The following MAST2 variants were observed in gnomAD, a reference collection of about 807,000 sequenced individuals.
MAST2 encodes microtubule-associated serine/threonine-protein kinase 2.
MAST2 carries 70 observed loss-of-function variants against 147.4 expected under a neutral mutation model. The observed-to-expected ratio is 0.47, with a 90% CI of 0.39 to 0.58. The LOEUF is 0.58. MAST2 is among the 20% of genes least tolerant of loss of function. The pLI is 0.00. For synonymous variants in MAST2, 869 were observed against 896.8 expected (o/e 0.97, Z 0.55); for missense variants, 2,080 against 2,302.3 (o/e 0.90, Z 1.98).
In MAST2 at chr1:46,034,224, C is replaced by T. The variant is rs768823573; in HGVS notation, c.3826C>T (p.Pro1276Ser). 6.2e-7 allele frequency: 1 copy of T among 1,614,034 alleles called. No individual in the cohort carries two copies. The highest frequency in any genetic ancestry group is 1.1e-5 in the South Asian group (1 of 91,074). Reference sequence around the variant, plus strand: ...CAGCCACAGCCTTTCCCCCCGATCTCCCACTCAAGGCTACCGGGTGACCCC... The same window carrying T: ...CAGCCACAGCCTTTCCCCCCGATCTTCCACTCAAGGCTACCGGGTGACCCC... ...THSHSLSPRS[P>S]TQGYRVTPDA... Residue 1276 changes from proline to serine, a missense_variant, in exon 28 of 29, where the codon CCC becomes TCC. Pro to Ser is a moderately conservative substitution (Grantham distance 74). This residue lies in a region of MAST2 where 1,278 missense variants were observed against 1,304.2 expected (regional missense o/e 0.98). Coordinates refer to ENST00000361297, the MANE Select transcript of MAST2 (RefSeq NM_015112.3).
intron 3 of MAST2, among the ~76,000 whole-genome samples, chr1:45,840,839 CATCAGGCT>C (rs1212256139): frequency 9.9e-5 from 15 of 152,216 alleles, no homozygotes; most frequent in Non-Finnish European, 2.2e-4. Context: ...AACTGCAGCC[CATCAGGCT>C]ACTTCTGTAT....
At chr1:45,970,576 G>A (rs1643874931) in intron 5 of MAST2, among the ~76,000 whole-genome samples, 1 of 150,936 alleles carries the variant, frequency 6.6e-6, no homozygotes, top group Non-Finnish European at 1.5e-5. Flanking sequence ...GCTGAGGCGG[G>A]AGAACGGCTT....
At chr1:45,928,529 C>T (rs1365698664) in intron 4 of MAST2, among the ~76,000 whole-genome samples, 1 of 151,040 alleles carries the variant, frequency 6.6e-6, no homozygotes, top group Non-Finnish European at 1.5e-5. Flanking sequence ...AGACATAAAC[C>T]TGTTAAATAA....
At chr1:45,925,051 C>T (rs1211984259) in intron 4 of MAST2, among the ~76,000 whole-genome samples, 2 of 152,208 alleles carry the variant, frequency 1.3e-5, no homozygotes, top group Non-Finnish European at 2.9e-5. Flanking sequence ...GCTATTGAGG[C>T]ATTTGGCTGC....
chr1:46,031,477 CGCCA>C lies in MAST2; in HGVS notation c.3080_3083del (p.Arg1027ProfsTer20). On this transcript the variant is annotated frameshift_variant, in exon 24 of 29. Transcript: ENST00000361297. LOFTEE classifies it high-confidence loss of function. This position sits in a 1 kb window ranked among gnomAD's most constrained non-coding sequence, Gnocchi z 4.1. ...CAGTGACCTGGCTGTGCGTAGGGCC[CGCCA>C]CCGGCTGCTCTCTGGGGACTCAACA... is the stretch of plus-strand genomic sequence containing the variant. 1.9e-6 allele frequency: 3 copies of C among 1,614,002 alleles called. 1 individual carries two copies. The South Asian group carries it at 3.3e-5, about 18-fold the overall frequency.
intron 3 of MAST2, among the ~76,000 whole-genome samples, chr1:45,881,959 G>C (rs1646863981): frequency 6.9e-6 from 1 of 144,136 alleles, no homozygotes; most frequent in African/African-American, 2.5e-5. Context: ...GGCGGATCAC[G>C]AGGTCAGGAG....
At chr1:45,875,522 A>G (rs1646568067) in intron 3 of MAST2, among the ~76,000 whole-genome samples, 1 of 152,206 alleles carries the variant, frequency 6.6e-6, no homozygotes, top group East Asian at 1.9e-4. Flanking sequence ...AACAGGTACT[A>G]TATATGATAT....
chr1:45,950,918 C>CA (rs913677134), intron 4 of MAST2, among the ~76,000 whole-genome samples: 7 of 151,968 alleles, frequency 4.6e-5, no homozygotes, highest in Admixed American at 3.3e-4. Context: ...CCTGTCTCTA[C>CA]AAAAAAATAC....
At chr1:45,990,220 A>G (rs1644805722) in intron 5 of MAST2, among the ~76,000 whole-genome samples, 2 of 152,170 alleles carry the variant, frequency 1.3e-5, no homozygotes, top group Non-Finnish European at 2.9e-5. Flanking sequence ...GTTGTTCCCC[A>G]TCCTTTTTAG....
At chr1:45,895,736 C>T (rs138442721) in intron 4 of MAST2, among the ~76,000 whole-genome samples, 7 of 152,226 alleles carry the variant, frequency 4.6e-5, no homozygotes, top group Admixed American at 3.3e-4. Flanking sequence ...GAAAGAAAAA[C>T]AGCATATCAT....
chr1:46,017,698 GA>G (rs1224904428), intron 10 of MAST2, among the ~76,000 whole-genome samples: 8 of 152,018 alleles, frequency 5.3e-5, no homozygotes, highest in African/African-American at 1.9e-4. Context: ...GGAGAAATAG[GA>G]ACACTTTTAT....
At chr1:45,890,099 A>G (rs946929580) in intron 4 of MAST2, among the ~76,000 whole-genome samples, 1 of 152,128 alleles carries the variant, frequency 6.6e-6, no homozygotes, top group African/African-American at 2.4e-5. Flanking sequence ...TTCAAGTCCC[A>G]GCTTACACCT....
At position 45,948,102 on chromosome 1, in the gene MAST2, C is replaced by T. The variant is rs543152881; in HGVS notation, c.501-11284C>T. ...TAGCAGAAAGCACTAGCATTCCTAT[C>T]CGCCAACAGCAGCCAGGGAGAGAGC... On this transcript the variant is annotated intron_variant, in intron 4 of 28. Transcript: ENST00000361297. 7.2e-5 allele frequency among the ~76,000 whole-genome samples: 11 copies of T among 152,334 alleles called. No homozygotes were observed. The East Asian group carries it at 1.7e-3, about 24-fold the overall frequency.
intron 1 of MAST2, among the ~76,000 whole-genome samples, chr1:45,815,866 C>T (rs1470137470): frequency 6.6e-6 from 1 of 152,158 alleles, no homozygotes; most frequent in African/African-American, 2.4e-5. Flanking sequence ...TGCCTAACTA[C>T]TGGAGGGCTG....
intron 6 of MAST2, 53 bp downstream of exon 6, chr1:45,997,852 G>C (rs1433036697): frequency 1.1e-5 from 15 of 1,423,792 alleles, no homozygotes; most frequent in Non-Finnish European, 1.4e-5. Flanking sequence ...ACTTGCATGA[G>C]GGTTAATTGA....
chr1:45,820,466 C>T (rs1644587555), intron 1 of MAST2, among the ~76,000 whole-genome samples: 1 of 152,078 alleles, frequency 6.6e-6, no homozygotes, highest in Non-Finnish European at 1.5e-5. Context: ...GAAATGGTAC[C>T]AGTTTAACTT....
rs1645679578 is a variant in MAST2, at chr1:46,010,736, G to GTTC, written c.985_986insTTC (p.Ala329delinsValPro). Reference sequence around the variant, plus strand: ...TTCTTGCTTTTCTTCCCAGGCCACCGCACAAATGGAAGAGCGACTAGCAGA... The same window carrying GTTC: ...TTCTTGCTTTTCTTCCCAGGCCACCGTTCCACAAATGGAAGAGCGACTAGCAGA... On this transcript the variant is annotated protein_altering_variant, in exon 10 of 29. Coordinates refer to ENST00000361297, the MANE Select transcript of MAST2 (RefSeq NM_015112.3). The GTTC allele has an allele frequency of 6.2e-7, 1 of 1,612,772 alleles. No homozygotes were observed. Among genetic ancestry groups the GTTC allele is most frequent in the African/African-American group, 1.3e-5 (1 of 74,878 alleles).
intron 1 of MAST2, among the ~76,000 whole-genome samples, chr1:45,823,081 T>C (rs1438053783): frequency 6.6e-6 from 1 of 152,182 alleles, no homozygotes. Context: ...CCAACTTCAC[T>C]CTTCTTTTTA....
intron 4 of MAST2, among the ~76,000 whole-genome samples, chr1:45,900,444 ATATTTTTTTTT>A (rs1439082376): frequency 0.01 from 155 of 14,888 alleles, 34 homozygotes; most frequent in Admixed American, 0.039. Flanking sequence ...GTGATGTTGG[ATATTTTTTTTT>A]TTTTTTTTTT....
Sources: gnomAD v4.1 joint callset for allele counts (sites outside exome capture counted in the v4.1 genomes callset) on GRCh38, gnomAD v4.1.1 for gene constraint, gnomAD v4.1.1 regional missense constraint, Gnocchi (gnomAD v3.1) non-coding constraint, MANE v1.5 for transcripts, NCBI Gene and HGNC (gene_info 2026-07-23, HGNC 2026-07-21) for gene names.